PHF21A: variants seen among roughly 807,000 people sequenced by gnomAD.
The protein encoded by PHF21A is BHC80a.
In PHF21A, 11 loss-of-function variants were observed where a neutral mutation model predicts 82.5. That is an observed-to-expected ratio of 0.13 (90% confidence interval 0.08 to 0.22). The LOEUF is 0.22. Among genes scored for constraint, PHF21A ranks in the 10% least tolerant of loss-of-function variants. The probability of loss-of-function intolerance (pLI) is 1.00; values close to 1 mark genes in which losing one functional copy is unlikely to be tolerated. For missense variants in PHF21A, 579 were observed against 837.8 expected (o/e 0.69, Z 3.81); for synonymous variants, 297 against 302.8 (o/e 0.98, Z 0.20).
chr11:45,957,094 A>G, intron 10 of PHF21A, among the ~76,000 whole-genome samples: 1 of 152,238 alleles, frequency 6.6e-6, no homozygotes, highest in East Asian at 1.9e-4. Flanking sequence ...TATAACAGTT[A>G]TAATCATATA....
chr11:45,936,585 GA>G lies in PHF21A; in HGVS notation c.1609-17del. Reference sequence around the variant, plus strand: ...TCTTCAGCATCTGAAAAGATTTTTAGAATTTTACCTTGAGAAGGAGGTTTAA... The same window carrying G: ...TCTTCAGCATCTGAAAAGATTTTTAGATTTTACCTTGAGAAGGAGGTTTAA... On this transcript the variant is annotated splice_polypyrimidine_tract_variant and intron_variant, in intron 16 of 18. Coordinates refer to ENST00000676320, the MANE Select transcript of PHF21A (RefSeq NM_001352027.3). The G allele has an allele frequency of 6.3e-7, 1 of 1,583,192 alleles. No individual in the cohort carries two copies. Among genetic ancestry groups the G allele is most frequent in the East Asian group, 2.2e-5 (1 of 44,724 alleles).
chr11:46,081,963 T>C (rs1044166638), intron 4 of PHF21A, among the ~76,000 whole-genome samples: 1 of 152,224 alleles, frequency 6.6e-6, no homozygotes, highest in African/African-American at 2.4e-5. Context: ...CTTTATACTA[T>C]TCTCCATTCC....
At chr11:45,992,350 G>A (rs1312120556) in intron 6 of PHF21A, among the ~76,000 whole-genome samples, 2 of 150,550 alleles carry the variant, frequency 1.3e-5, no homozygotes, top group Non-Finnish European at 1.5e-5. Context: ...GGCTAACATG[G>A]TGAAACCCCG....
chr11:46,055,780 A>AT (rs1213914685), intron 6 of PHF21A, among the ~76,000 whole-genome samples: 1 of 152,158 alleles, frequency 6.6e-6, no homozygotes, highest in Non-Finnish European at 1.5e-5. Context: ...ATAGCAGGGG[A>AT]TTCATTGAAA....
intron 6 of PHF21A, among the ~76,000 whole-genome samples, chr11:46,053,077 C>T (rs2096394569): frequency 6.6e-6 from 1 of 152,200 alleles, no homozygotes; most frequent in African/African-American, 2.4e-5. Flanking sequence ...CATTATTATT[C>T]TAAGGGCAGA....
At chr11:45,948,736 T>C in intron 14 of PHF21A, 150 bp downstream of exon 14, 1 of 695,132 alleles carries the variant, frequency 1.4e-6, no homozygotes, top group South Asian at 1.7e-5. Context: ...CTCATTCTCT[T>C]TTCTCTCCCA....
chr11:46,004,936 C>T (rs545333264), intron 6 of PHF21A, among the ~76,000 whole-genome samples: 3 of 152,284 alleles, frequency 2.0e-5, no homozygotes, highest in East Asian at 3.9e-4. Context: ...ATAAGCACTA[C>T]ACAACAAAGT....
chr11:46,034,741 C>T (rs1318330946), intron 6 of PHF21A, among the ~76,000 whole-genome samples: 2 of 152,078 alleles, frequency 1.3e-5, no homozygotes, highest in East Asian at 1.9e-4. Context: ...CTGAGACACA[C>T]GCACCTGCAG....
chr11:46,093,332 A>G (rs184924550), intron 1 of PHF21A, among the ~76,000 whole-genome samples: 1 of 152,224 alleles, frequency 6.6e-6, no homozygotes, highest in African/African-American at 2.4e-5. Flanking sequence ...GCCTCAGGGA[A>G]TATTTCAAAA....
At chr11:46,021,787 G>A (rs1399131258) in intron 6 of PHF21A, among the ~76,000 whole-genome samples, 1 of 152,108 alleles carries the variant, frequency 6.6e-6, no homozygotes, top group African/African-American at 2.4e-5. Context: ...CTGGCTTTAA[G>A]CAAACCTTCC....
intron 6 of PHF21A, among the ~76,000 whole-genome samples, chr11:46,009,974 T>G (rs765125032): frequency 7.2e-5 from 11 of 152,240 alleles, no homozygotes; most frequent in Non-Finnish European, 1.5e-4. Flanking sequence ...TATCCTAATT[T>G]GTTCAGCTTC....
At chr11:45,946,426 C>G (rs191325526) in intron 14 of PHF21A, among the ~76,000 whole-genome samples, 4 of 152,316 alleles carry the variant, frequency 2.6e-5, no homozygotes, top group Admixed American at 2.6e-4. Flanking sequence ...CTCTGTCACC[C>G]AGGCTGGAGT....
chr11:45,985,984 G>A (rs572050173), intron 6 of PHF21A, among the ~76,000 whole-genome samples: 6 of 151,910 alleles, frequency 3.9e-5, no homozygotes, highest in South Asian at 2.1e-4. Context: ...CTGCATGGAT[G>A]TTTAACAGAT....
At chr11:46,106,433 G>A (rs149031990) in intron 1 of PHF21A, among the ~76,000 whole-genome samples, 37 of 152,232 alleles carry the variant, frequency 2.4e-4, no homozygotes, top group African/African-American at 8.7e-4. Context: ...TTAGTATCAA[G>A]TCCTGATAAG....
chr11:46,028,650 T>G (rs748890877), intron 6 of PHF21A, among the ~76,000 whole-genome samples: 1 of 148,990 alleles, frequency 6.7e-6, no homozygotes, highest in Non-Finnish European at 1.5e-5. Flanking sequence ...CTCGGCTCAC[T>G]GCAACCTCCG....
At chr11:45,953,462 T>C (rs1222174345) in intron 11 of PHF21A, 65 bp downstream of exon 11, 1 of 949,202 alleles carries the variant, frequency 1.1e-6, no homozygotes, top group Non-Finnish European at 1.7e-6. Flanking sequence ...CAGGTGCCCC[T>C]CCTGGTACAT....
intron 6 of PHF21A, among the ~76,000 whole-genome samples, chr11:46,035,033 T>C (rs960549166): frequency 3.3e-5 from 5 of 152,224 alleles, no homozygotes; most frequent in African/African-American, 1.2e-4. Flanking sequence ...AACTAGTCTA[T>C]GAGGACTGAA....
At chr11:46,064,644 G>A (rs2096574136) in intron 6 of PHF21A, among the ~76,000 whole-genome samples, 1 of 151,822 alleles carries the variant, frequency 6.6e-6, no homozygotes, top group South Asian at 2.1e-4. Context: ...ATCTGTTGGG[G>A]AAAAAAAGAA....
chr11:46,091,517 T>A (rs1448260595), intron 2 of PHF21A, among the ~76,000 whole-genome samples: 1 of 152,212 alleles, frequency 6.6e-6, no homozygotes, highest in Non-Finnish European at 1.5e-5. Context: ...TGAAGAATTA[T>A]ATAAAACAAC....
Sources: allele counts gnomAD v4.1 joint callset (sites outside exome capture counted in the v4.1 genomes callset), GRCh38; gene constraint gnomAD v4.1.1; transcripts MANE v1.5; gene names NCBI Gene and HGNC (gene_info 2026-07-23, HGNC 2026-07-21).